The following SND1 variants were observed in gnomAD, a reference collection of about 807,000 sequenced individuals.
The protein encoded by SND1 is staphylococcal nuclease and tudor domain containing 1, also known as staphylococcal nuclease domain-containing protein 1.
Under a neutral mutation model 121.7 loss-of-function variants are expected in SND1, and 38 were observed. The observed-to-expected ratio is 0.31, with a 90% CI of 0.24 to 0.41. The LOEUF is 0.41. SND1 is among the 10% of genes least tolerant of loss of function. The pLI, the probability that SND1 is intolerant of heterozygous loss-of-function variation, is 1.00. For missense variants in SND1, 868 were observed against 1,184.6 expected, an observed-to-expected ratio of 0.73 and a Z score of 3.92; for synonymous variants, 401 against 447.4, an observed-to-expected ratio of 0.90 and a Z score of 1.31.
rs375152062 is a variant in SND1, at chr7:128,012,666, G to A, written c.1779+21610G>A. ...GCTCTGGCTGGTCAGCAAGTGGGAC[G>A]AGCAGCAGCTTGCTGCAGCCAACCT... is the stretch of plus-strand genomic sequence containing the variant. On this transcript the variant is annotated intron_variant, in intron 16 of 23. Transcript: ENST00000354725. 2.0e-4 allele frequency among the ~76,000 whole-genome samples: 31 copies of A among 152,210 alleles called. No individual in the cohort carries two copies. The East Asian group carries it at 4.1e-3, about 20-fold the overall frequency.
At chr7:127,725,296 T>C (rs1216281015) in intron 10 of SND1, among the ~76,000 whole-genome samples, 1 of 152,220 alleles carries the variant, frequency 6.6e-6, no homozygotes, top group Non-Finnish European at 1.5e-5. Flanking sequence ...CCAGGACCTC[T>C]GTTAGCTCAT....
rs148539658 is a variant in SND1, at chr7:127,951,596, A to T, written c.1669+22267A>T. ...TATTCTTACATTTCTATGGAAGGGG[A>T]TAGGGAGAGATTCTGCTTCTTAAAA... On this transcript the variant is annotated intron_variant, in intron 15 of 23. Transcript: ENST00000354725. 4.5e-3 allele frequency among the ~76,000 whole-genome samples: 686 copies of T among 152,206 alleles called. 5 individuals are homozygous for T. Among genetic ancestry groups the T allele is most frequent in the African/African-American group, 0.016 (653 of 41,540 alleles).
intron 2 of SND1, among the ~76,000 whole-genome samples, chr7:127,693,969 T>C (rs1191082631): frequency 6.6e-6 from 1 of 152,164 alleles, no homozygotes; most frequent in Non-Finnish European, 1.5e-5. Flanking sequence ...GTGTATTATC[T>C]TGAGATGACA....
intron 16 of SND1, among the ~76,000 whole-genome samples, chr7:128,023,658 T>G (rs1035029162): frequency 1.3e-5 from 2 of 152,234 alleles, no homozygotes; most frequent in African/African-American, 4.8e-5. Flanking sequence ...TAGATACTAT[T>G]GTCTCTGACT....
chr7:127,652,254 C>A lies in SND1; in HGVS notation c.-120C>A. The A allele has an allele frequency of 2.4e-6, 2 of 841,468 alleles. No individual in the cohort carries two copies. The highest frequency in any genetic ancestry group is 4.0e-6 in the Non-Finnish European group (2 of 501,048). The allele number at this position is 841,468 out of a possible 1,614,324, so 52.1% of individuals were successfully genotyped here. ...GCGCCCGGCGAGTCCGTCCCGTCCA[C>A]CGTCCGCAGCTGGTAGCCAGCCTGC... On this transcript the variant is annotated 5_prime_UTR_variant, in exon 1 of 24. Coordinates refer to ENST00000354725, the MANE Select transcript of SND1 (RefSeq NM_014390.4).
At chr7:127,837,019 C>A (rs1251319044) in intron 11 of SND1, among the ~76,000 whole-genome samples, 4 of 152,050 alleles carry the variant, frequency 2.6e-5, no homozygotes, top group Admixed American at 2.6e-4. Flanking sequence ...TCTTTGTAAT[C>A]TAGTCAGATA....
chr7:127,970,651 GTCTC>G (rs1801963720), intron 15 of SND1, among the ~76,000 whole-genome samples: 1 of 152,134 alleles, frequency 6.6e-6, no homozygotes, highest in Non-Finnish European at 1.5e-5. Context: ...GTATATCACA[GTCTC>G]TCATTTTCTG....
chr7:127,685,234 G>A (rs140778737), intron 1 of SND1, among the ~76,000 whole-genome samples: 3 of 152,268 alleles, frequency 2.0e-5, no homozygotes, highest in African/African-American at 7.2e-5. Flanking sequence ...AAGGTAGAGA[G>A]GTGGAGAGCA....
chr7:127,858,120 G>A lies in SND1; in HGVS notation c.1343+13696G>A, dbSNP rs1210902302. On this transcript the variant is annotated intron_variant, in intron 12 of 23. Coordinates refer to ENST00000354725, the MANE Select transcript of SND1 (RefSeq NM_014390.4). Reference sequence around the variant, plus strand: ...GTTCCCCCTCTGCCACTTCCTCAGCGAACATGTCTAGGGAGTGTGGGGGTG... The same window carrying A: ...GTTCCCCCTCTGCCACTTCCTCAGCAAACATGTCTAGGGAGTGTGGGGGTG... The A allele has an allele frequency of 3.2e-5, 28 of 882,362 alleles. No homozygotes were observed. The Admixed American group carries it at 3.7e-4, about 12-fold the overall frequency. 54.7% of individuals were successfully genotyped at this position (882,362 alleles called of 1,614,324 possible).
At position 127,904,902 on chromosome 7, in the gene SND1, G is replaced by A. The variant is rs1402050252; in HGVS notation, c.1527+83G>A. The A allele has an allele frequency of 4.4e-6, 4 of 901,596 alleles. No individual in the cohort carries two copies. In the Admixed American group the frequency reaches 7.0e-5, roughly 16 times the overall value. 55.8% of individuals were successfully genotyped at this position (901,596 alleles called of 1,614,324 possible). On this transcript the variant is annotated intron_variant, in intron 14 of 23. Coordinates refer to ENST00000354725, the MANE Select transcript of SND1 (RefSeq NM_014390.4). ...TATTTGCTGAAGGACTTCAGCTTAT[G>A]TATTTTCTCTAGCTCGCTCCTTTTC...
intron 1 of SND1, among the ~76,000 whole-genome samples, chr7:127,670,879 G>A (rs1056836456): frequency 6.6e-6 from 1 of 151,686 alleles, no homozygotes; most frequent in African/African-American, 2.4e-5. Flanking sequence ...GAAGGAAAAG[G>A]GATATCTTTA....
intron 14 of SND1, among the ~76,000 whole-genome samples, chr7:127,917,076 G>A (rs1800595510): frequency 6.6e-6 from 1 of 152,172 alleles, no homozygotes; most frequent in South Asian, 2.1e-4. Context: ...CTTCACCAAA[G>A]CTATCTCAAT....
chr7:127,663,712 C>T (rs1317202867), intron 1 of SND1, among the ~76,000 whole-genome samples: 1 of 152,118 alleles, frequency 6.6e-6, no homozygotes, highest in Non-Finnish European at 1.5e-5. Flanking sequence ...GCCCCGCCAA[C>T]CCCAGGTGTC....
chr7:127,856,044 G>T (rs1799266712), intron 12 of SND1, among the ~76,000 whole-genome samples: 1 of 152,096 alleles, frequency 6.6e-6, no homozygotes, highest in Non-Finnish European at 1.5e-5. Flanking sequence ...TTTCATGACG[G>T]CAATTGCATT....
chr7:127,761,483 C>T (rs1008812312), intron 10 of SND1, among the ~76,000 whole-genome samples: 6 of 143,100 alleles, frequency 4.2e-5, no homozygotes, highest in African/African-American at 1.5e-4. Context: ...CTATACAACA[C>T]CAAAAAATGA....
At chr7:127,807,417 C>A in intron 10 of SND1, 67 bp from the exon 11 acceptor site, 2 of 1,228,558 alleles carry the variant, frequency 1.6e-6, no homozygotes, top group Non-Finnish European at 2.4e-6. Flanking sequence ...ATTCCTATAT[C>A]TTGTGCTGTT....
intron 9 of SND1, 123 bp downstream of exon 9, chr7:127,707,770 T>A (rs1255577393): frequency 5.0e-5 from 10 of 198,582 alleles, no homozygotes; most frequent in East Asian, 4.0e-4. Context: ...AGTAGGAGTG[T>A]GTGTGTGTGT....
At chr7:127,893,812 G>A (rs946079665) in intron 13 of SND1, among the ~76,000 whole-genome samples, 3 of 152,120 alleles carry the variant, frequency 2.0e-5, no homozygotes, top group Admixed American at 1.3e-4. Context: ...TCTCAGCATC[G>A]CCTTGGCTAC....
intron 16 of SND1, among the ~76,000 whole-genome samples, chr7:128,067,599 C>A (rs1450815544): frequency 6.6e-6 from 1 of 152,138 alleles, no homozygotes; most frequent in Non-Finnish European, 1.5e-5. Context: ...TGAGGCAGCC[C>A]ACCTTCCTTG....
Sources: allele counts gnomAD v4.1 joint callset (sites outside exome capture counted in the v4.1 genomes callset), GRCh38; gene constraint gnomAD v4.1.1; transcripts MANE v1.5; gene names NCBI Gene and HGNC (gene_info 2026-07-23, HGNC 2026-07-21).